Variants in USP8 observed in about 807,000 individuals in gnomAD.
USP8 encodes ubiquitin carboxyl-terminal hydrolase 8.
USP8 carries 27 observed loss-of-function variants against 130.0 expected under a neutral mutation model. That is an observed-to-expected ratio of 0.21 (90% confidence interval 0.15 to 0.29). The LOEUF (loss-of-function observed/expected upper bound fraction) is 0.29. Among genes scored for constraint, USP8 ranks in the 10% least tolerant of loss-of-function variants. USP8 has a pLI of 1.00. For synonymous variants in USP8, 392 were observed against 444.1 expected, an observed-to-expected ratio of 0.88 and a Z score of 1.48; for missense variants, 1,029 against 1,312.2, an observed-to-expected ratio of 0.78 and a Z score of 3.33.
At chr15:50,437,162 CTT>C (rs907360890) in intron 1 of USP8, among the ~76,000 whole-genome samples, 1 of 152,058 alleles carries the variant, frequency 6.6e-6, no homozygotes, top group African/African-American at 2.4e-5. Flanking sequence ...TTCCTTAAAA[CTT>C]TAAGTACATT....
chr15:50,457,246 T>G (rs1217405940), intron 4 of USP8, among the ~76,000 whole-genome samples: 2 of 152,184 alleles, frequency 1.3e-5, no homozygotes, highest in East Asian at 1.9e-4. Context: ...TTTTTCATTT[T>G]GGAATATTCA....
chr15:50,465,021 C>T (rs779907869), intron 6 of USP8, 26 bp from the exon 7 acceptor site: 2 of 1,611,094 alleles, frequency 1.2e-6, no homozygotes. Flanking sequence ...TTTCTTGTCA[C>T]TTACACTGTC....
intron 1 of USP8, among the ~76,000 whole-genome samples, chr15:50,437,376 C>A (rs923037797): frequency 6.6e-6 from 1 of 152,090 alleles, no homozygotes; most frequent in Non-Finnish European, 1.5e-5. Flanking sequence ...TCATTTATAT[C>A]TTTAAGCAAT....
At chr15:50,431,920 T>A (rs2049944900) in intron 1 of USP8, among the ~76,000 whole-genome samples, 1 of 152,106 alleles carries the variant, frequency 6.6e-6, no homozygotes, top group Non-Finnish European at 1.5e-5. Flanking sequence ...CCTCCCAAAG[T>A]GCTGGGATTA....
intron 1 of USP8, among the ~76,000 whole-genome samples, chr15:50,427,379 G>T (rs2049772294): frequency 1.3e-5 from 2 of 152,056 alleles, no homozygotes; most frequent in African/African-American, 4.8e-5. Context: ...TTTTGCAGAT[G>T]AAAGTAAACT....
rs930926583 is a variant in USP8 at position 50,508,868 on chromosome 15, C to T, written c.*9780C>T. ...AAAGAGTACAGGCCAGGCGCGGTGG[C>T]TCACGCCTGTAATCCCAGCACTTTG... On this transcript the variant is annotated 3_prime_UTR_variant, in exon 20 of 20. Transcript: ENST00000307179. The T allele has an allele frequency of 3.3e-5, 5 of 151,428 alleles. No individual in the cohort carries two copies. The highest frequency in any genetic ancestry group is 2.1e-4 in the South Asian group (1 of 4,820). 9.4% of individuals were successfully genotyped at this position (151,428 alleles called of 1,614,324 possible).
At chr15:50,438,915 C>G in intron 1 of USP8, 94 bp from the exon 2 acceptor site, 1 of 510,672 alleles carries the variant, frequency 2.0e-6, no homozygotes, top group South Asian at 2.9e-5. Flanking sequence ...ACCCTGTTAG[C>G]AAAGGATATG....
In USP8 at chr15:50,510,811, C is replaced by T. The variant is rs1337966409; in HGVS notation, c.*11723C>T. 1.3e-5 allele frequency: 2 copies of T among 151,950 alleles called. No homozygotes were observed. Among genetic ancestry groups the T allele is most frequent in the African/African-American group, 4.8e-5 (2 of 41,358 alleles). The allele number at this position is 151,950 out of a possible 1,614,324, so 9.4% of individuals were successfully genotyped here. A position where few individuals can be genotyped will look rare whatever the true frequency, so the allele number is the denominator to read the frequency against. The stretch of plus-strand genomic sequence containing the variant: ...TTTTTTTTAGAGATGGAGTCTCGCT[C>T]TGTCTCCCAGGCTGGAGTGCAGTGG... On this transcript the variant is annotated 3_prime_UTR_variant, in exon 20 of 20. Transcript: ENST00000307179.
Position 50,487,522 on chromosome 15 carries a change from G to A in USP8, c.1891-2279G>A, listed in dbSNP as rs563486728. On this transcript the variant is annotated intron_variant, in intron 12 of 19. Transcript: ENST00000307179. ...TTGAGGTTTGCAGTTACTCCCACTG[G>A]TCCTGACATTCTAAGCAGGGCTTCA... Among the ~76,000 whole-genome samples, 3 of 152,276 alleles carry A rather than the reference G, an allele frequency of 2.0e-5. No individual in the cohort carries two copies. The South Asian group carries it at 6.2e-4, about 32-fold the overall frequency.
intron 16 of USP8, among the ~76,000 whole-genome samples, chr15:50,495,017 T>TAAAAA (rs34381291): frequency 8.8e-6 from 1 of 113,514 alleles, no homozygotes. Context: ...AGACTCTTTC[T>TAAAAA]AAAAAAAAAA....
At chr15:50,440,488 G>T (rs2050220301) in intron 2 of USP8, among the ~76,000 whole-genome samples, 1 of 152,182 alleles carries the variant, frequency 6.6e-6, no homozygotes, top group Admixed American at 6.5e-5. Context: ...CAATGGACCA[G>T]GGTTAGGGAG....
At position 50,500,961 on chromosome 15, in the gene USP8, A is replaced by C. The variant is rs2141336832; in HGVS notation, c.*1873A>C. 1 of 836,700 alleles carries C rather than the reference A, an allele frequency of 1.2e-6. No homozygotes were observed. The highest frequency in any genetic ancestry group is 1.9e-6 in the Non-Finnish European group (1 of 523,618). 51.8% of individuals were successfully genotyped at this position (836,700 alleles called of 1,614,324 possible). On this transcript the variant is annotated 3_prime_UTR_variant, in exon 20 of 20. Transcript: ENST00000307179. ...TATTCTAAATTAAAAGGAAGTGATA[A>C]TTTTGTTGTTAAATCATGCATATAG...
At chr15:50,435,120 A>C (rs1377461260) in intron 1 of USP8, among the ~76,000 whole-genome samples, 1 of 152,228 alleles carries the variant, frequency 6.6e-6, no homozygotes, top group Non-Finnish European at 1.5e-5. Flanking sequence ...CATTCTAGTC[A>C]ATATATTTTA....
rs2052668891 is a variant in USP8, at chr15:50,506,923, A to C, written c.*7835A>C. The C allele has an allele frequency of 1.5e-5, 2 of 129,290 alleles. No individual in the cohort carries two copies. The highest frequency in any genetic ancestry group is 5.8e-5 in the African/African-American group (2 of 34,630). 8.0% of individuals were successfully genotyped at this position (129,290 alleles called of 1,614,324 possible). A position where few individuals can be genotyped will look rare whatever the true frequency, so the allele number is the denominator to read the frequency against. On this transcript the variant is annotated 3_prime_UTR_variant, in exon 20 of 20. Transcript: ENST00000307179. ...CAGTGAGCCGAGATCGTGCCACTGCATTCCAGCCTGGGCGACAGAGCGAGA... is the reference window on the plus strand; with the variant it reads ...CAGTGAGCCGAGATCGTGCCACTGCCTTCCAGCCTGGGCGACAGAGCGAGA...
chr15:50,504,997 A>AAAG lies in USP8; in HGVS notation c.*5909_*5910insAAG. On this transcript the variant is annotated 3_prime_UTR_variant, in exon 20 of 20. Coordinates refer to ENST00000307179, the MANE Select transcript of USP8 (RefSeq NM_005154.5). Reference sequence around the variant, plus strand: ...ACTCCATCTCAAAAAAAAAAAAAAAAGAATAAACTATAAAATGAAGTTGGG... The same window carrying AAAG: ...ACTCCATCTCAAAAAAAAAAAAAAAAAAGGAATAAACTATAAAATGAAGTTGGG... 6.7e-6 allele frequency: 1 copy of AAAG among 148,702 alleles called. No individual in the cohort carries two copies. The highest frequency in any genetic ancestry group is 3.2e-3 in the Middle Eastern group (1 of 312). 9.2% of individuals were successfully genotyped at this position (148,702 alleles called of 1,614,324 possible).
chr15:50,446,012 TG>T (rs2050430400), intron 3 of USP8, among the ~76,000 whole-genome samples: 1 of 152,204 alleles, frequency 6.6e-6, no homozygotes, highest in African/African-American at 2.4e-5. Context: ...GAAAATGTAT[TG>T]AAAATATTAG....
Position 50,471,704 on chromosome 15 carries a change from T to C in USP8, c.758T>C (p.Val253Ala). ...GACACATGGAAGAAGAGGGGGAATGTGGAGTATGTGGTACTTCTTGACTGG... is the reference window on the plus strand; with the variant it reads ...GACACATGGAAGAAGAGGGGGAATGCGGAGTATGTGGTACTTCTTGACTGG... The part of the protein sequence containing the change: ...SKDTWKKRGN[V>A]EYVVLLDWFS... Residue 253 changes from valine to alanine, a missense_variant, in exon 8 of 20, where the codon GTG (valine) becomes GCG (alanine). Around this residue, in one of 4 missense-constraint regions of USP8, gnomAD observed 281 missense variants for 336.7 expected, o/e 0.83. Coordinates refer to ENST00000307179, the MANE Select transcript of USP8 (RefSeq NM_005154.5). 2 of 1,614,118 alleles carry C rather than the reference T, an allele frequency of 1.2e-6. No homozygotes were observed. Among genetic ancestry groups the C allele is most frequent in the Non-Finnish European group, 8.5e-7 (1 of 1,180,010 alleles).
chr15:50,456,431 G>T (rs2050791168), intron 4 of USP8, among the ~76,000 whole-genome samples: 1 of 151,744 alleles, frequency 6.6e-6, no homozygotes, highest in Non-Finnish European at 1.5e-5. Flanking sequence ...TAAGTAGCTG[G>T]CCGTGGTGGT....
At chr15:50,449,141 C>T (rs2050533050) in intron 3 of USP8, among the ~76,000 whole-genome samples, 1 of 152,100 alleles carries the variant, frequency 6.6e-6, no homozygotes, top group African/African-American at 2.4e-5. Flanking sequence ...GTTATTTATA[C>T]TTTTTAACAG....
Sources: allele counts gnomAD v4.1 joint callset (sites outside exome capture counted in the v4.1 genomes callset), GRCh38; gene constraint gnomAD v4.1.1; regional missense constraint gnomAD v4.1.1; transcripts MANE v1.5; gene names NCBI Gene and HGNC (gene_info 2026-07-23, HGNC 2026-07-21).